CCBE1: variants seen among roughly 807,000 people sequenced by gnomAD.
The protein encoded by CCBE1 is collagen and calcium binding EGF domains 1, also known as collagen and calcium-binding EGF domain-containing protein 1.
A neutral mutation model predicts 50.0 loss-of-function variants in CCBE1; 37 were observed. The ratio of observed to expected loss-of-function variants is 0.74; its 90% CI spans 0.57 to 0.97. The LOEUF (loss-of-function observed/expected upper bound fraction) is 0.97. Ranked by LOEUF, CCBE1 falls within the 50% of genes least tolerant of loss-of-function variation. CCBE1 has a pLI of 0.00. For missense variants in CCBE1, 538 were observed against 523.8 expected, an observed-to-expected ratio of 1.03 and a Z score of -0.26; for synonymous variants, 234 against 203.7, an observed-to-expected ratio of 1.15 and a Z score of -1.27.
intron 7 of CCBE1, among the ~76,000 whole-genome samples, chr18:59,440,686 T>C (rs1222109015): frequency 6.6e-6 from 1 of 152,158 alleles, no homozygotes; most frequent in East Asian, 1.9e-4. Context: ...GAAATGTTCT[T>C]CTGGCTAAGA....
chr18:59,498,723 G>T (rs1411294627), intron 2 of CCBE1, among the ~76,000 whole-genome samples: 1 of 152,142 alleles, frequency 6.6e-6, no homozygotes. Flanking sequence ...TTTCTGTCTG[G>T]CTGGCTTTTT....
At chr18:59,672,001 G>A (rs1421713615) in intron 2 of CCBE1, among the ~76,000 whole-genome samples, 1 of 152,098 alleles carries the variant, frequency 6.6e-6, no homozygotes, top group East Asian at 1.9e-4. Flanking sequence ...AAGGATCAAG[G>A]ACTTCAGCCA....
At chr18:59,438,912 G>A (rs1184542101) in intron 9 of CCBE1, among the ~76,000 whole-genome samples, 1 of 152,146 alleles carries the variant, frequency 6.6e-6, no homozygotes, top group Non-Finnish European at 1.5e-5. Context: ...CACTTTGGGA[G>A]GCTGAGACGG....
At position 59,695,107 on chromosome 18, in the gene CCBE1, G is replaced by T. The variant is rs145543487; in HGVS notation, c.212+1522C>A. Among the ~76,000 whole-genome samples, 468 of 152,276 alleles carry T rather than the reference G, an allele frequency of 3.1e-3. 1 individual carries two copies. The highest frequency in any genetic ancestry group is 0.011 in the African/African-American group (442 of 41,554). On this transcript the variant is annotated intron_variant, in intron 2 of 10. Transcript: ENST00000439986. ...CAAATGGTTTCTGAAAATCTAACAT[G>T]CATTCTGTAACTGTCACTGATTTAT...
intron 2 of CCBE1, among the ~76,000 whole-genome samples, chr18:59,602,295 G>C (rs2053443554): frequency 6.6e-6 from 1 of 152,064 alleles, no homozygotes; most frequent in African/African-American, 2.4e-5. Context: ...GTCTTATTCT[G>C]CTTCTGCCTT....
chr18:59,482,847 T>C (rs897702900), intron 2 of CCBE1, among the ~76,000 whole-genome samples: 3 of 124,828 alleles, frequency 2.4e-5, no homozygotes, highest in Non-Finnish European at 5.7e-5. Flanking sequence ...CTCAAGAATA[T>C]ACCCCAAGAT....
At chr18:59,608,337 T>C (rs1404211245) in intron 2 of CCBE1, among the ~76,000 whole-genome samples, 4 of 152,188 alleles carry the variant, frequency 2.6e-5, no homozygotes, top group African/African-American at 4.8e-5. Context: ...TAACTTTGTG[T>C]TCCAGACCCC....
At chr18:59,679,917 G>A (rs2054562395) in intron 2 of CCBE1, among the ~76,000 whole-genome samples, 1 of 152,082 alleles carries the variant, frequency 6.6e-6, no homozygotes, top group Non-Finnish European at 1.5e-5. Flanking sequence ...AAGAGACATG[G>A]TTACATTCCA....
intron 2 of CCBE1, among the ~76,000 whole-genome samples, chr18:59,693,193 C>A (rs1401422334): frequency 2.0e-5 from 3 of 152,140 alleles, no homozygotes; most frequent in Admixed American, 6.5e-5. Context: ...CCTTGCCCTC[C>A]TAAATGCCAC....
intron 2 of CCBE1, among the ~76,000 whole-genome samples, chr18:59,606,985 C>A: frequency 6.6e-6 from 1 of 151,406 alleles, no homozygotes; most frequent in East Asian, 1.9e-4. Context: ...TGTCTGTATC[C>A]CCAGTGACCG....
intron 2 of CCBE1, among the ~76,000 whole-genome samples, chr18:59,481,875 T>C (rs1480759051): frequency 6.6e-6 from 1 of 152,214 alleles, no homozygotes; most frequent in Non-Finnish European, 1.5e-5. Flanking sequence ...AAGAGCATTA[T>C]AAACAGTAAA....
At chr18:59,522,712 G>C (rs56928454) in intron 2 of CCBE1, among the ~76,000 whole-genome samples, 1 of 151,892 alleles carries the variant, frequency 6.6e-6, no homozygotes, top group Admixed American at 6.5e-5. Context: ...TTTCTTGGCC[G>C]GGCGCAGTGG....
chr18:59,675,387 T>C (rs2054487393), intron 2 of CCBE1, among the ~76,000 whole-genome samples: 1 of 152,160 alleles, frequency 6.6e-6, no homozygotes, highest in African/African-American at 2.4e-5. Context: ...CTGAGCACTA[T>C]ATGGGGAAAA....
chr18:59,505,287 C>T (rs1004468864), intron 2 of CCBE1, among the ~76,000 whole-genome samples: 1 of 152,178 alleles, frequency 6.6e-6, no homozygotes, highest in Non-Finnish European at 1.5e-5. Context: ...TCAAACTTAA[C>T]ATGAAACCAA....
At chr18:59,564,307 C>G (rs2052785052) in intron 2 of CCBE1, among the ~76,000 whole-genome samples, 1 of 152,180 alleles carries the variant, frequency 6.6e-6, no homozygotes, top group African/African-American at 2.4e-5. Context: ...ACATAATTCT[C>G]TCAACTTTAT....
At chr18:59,673,457 T>C (rs1424343563) in intron 2 of CCBE1, among the ~76,000 whole-genome samples, 1 of 152,004 alleles carries the variant, frequency 6.6e-6, no homozygotes, top group African/African-American at 2.4e-5. Flanking sequence ...TCTCAAAAAA[T>C]AAACAAAAAT....
chr18:59,638,525 C>G (rs761810512), intron 2 of CCBE1, among the ~76,000 whole-genome samples: 6 of 152,192 alleles, frequency 3.9e-5, no homozygotes, highest in African/African-American at 7.2e-5. Context: ...AGCTCAGCAG[C>G]CTGTGTTTTA....
At chr18:59,620,049 AG>A (rs1370344155) in intron 2 of CCBE1, among the ~76,000 whole-genome samples, 1 of 152,184 alleles carries the variant, frequency 6.6e-6, no homozygotes, top group Non-Finnish European at 1.5e-5. Context: ...AAGTCAAAAG[AG>A]GGAGGGGAAT....
intron 2 of CCBE1, among the ~76,000 whole-genome samples, chr18:59,486,195 A>G (rs1912819190): frequency 6.6e-6 from 1 of 152,204 alleles, no homozygotes. Context: ...CAGATAATAT[A>G]AGAAAGGTGC....
Sources: gnomAD v4.1 joint callset for allele counts (sites outside exome capture counted in the v4.1 genomes callset) on GRCh38, gnomAD v4.1.1 for gene constraint, MANE v1.5 for transcripts, NCBI Gene and HGNC (gene_info 2026-07-23, HGNC 2026-07-21) for gene names.